Variants in NKAIN3 observed in about 807,000 individuals in gnomAD.
NKAIN3 encodes the protein sodium/potassium-transporting ATPase subunit beta-1-interacting protein 3.
NKAIN3 carries 25 observed loss-of-function variants against 30.2 expected under a neutral mutation model. The ratio of observed to expected loss-of-function variants is 0.83; its 90% CI spans 0.60 to 1.16. The LOEUF is 1.16. Among genes scored for constraint, NKAIN3 ranks in the 50% most tolerant of loss-of-function variants. The probability of loss-of-function intolerance (pLI) is 0.00; values close to 1 mark genes in which losing one functional copy is unlikely to be tolerated. For missense variants in NKAIN3, 225 were observed against 254.1 expected (o/e 0.89, Z 0.78); for synonymous variants, 91 against 89.6 (o/e 1.02, Z -0.09).
intron 4 of NKAIN3, among the ~76,000 whole-genome samples, chr8:62,762,049 C>T (rs1439482922): frequency 6.6e-6 from 1 of 152,194 alleles, no homozygotes; most frequent in Non-Finnish European, 1.5e-5. Flanking sequence ...GACATGGTAG[C>T]TCACGCCTGT....
At chr8:62,605,267 T>C (rs1055828612) in intron 3 of NKAIN3, among the ~76,000 whole-genome samples, 2 of 152,014 alleles carry the variant, frequency 1.3e-5, no homozygotes, top group Non-Finnish European at 2.9e-5. Flanking sequence ...ATGTCAACCA[T>C]GCATTAGAAT....
intron 1 of NKAIN3, among the ~76,000 whole-genome samples, chr8:62,426,777 T>C (rs1412018668): frequency 6.6e-6 from 1 of 152,030 alleles, no homozygotes; most frequent in Non-Finnish European, 1.5e-5. Flanking sequence ...GTTTTCCTTT[T>C]TTTTCCCCCA....
intron 1 of NKAIN3, among the ~76,000 whole-genome samples, chr8:62,456,448 G>A (rs1805821847): frequency 6.6e-6 from 1 of 152,000 alleles, no homozygotes; most frequent in African/African-American, 2.4e-5. Flanking sequence ...GAACCTGTGA[G>A]GCAGAGCTTG....
intron 3 of NKAIN3, among the ~76,000 whole-genome samples, chr8:62,615,793 C>T (rs1309491201): frequency 6.6e-6 from 1 of 152,052 alleles, no homozygotes; most frequent in Non-Finnish European, 1.5e-5. Flanking sequence ...TGTTGTCACT[C>T]CCCCAGTGCC....
At chr8:62,506,885 T>G (rs1807662182) in intron 1 of NKAIN3, among the ~76,000 whole-genome samples, 1 of 152,182 alleles carries the variant, frequency 6.6e-6, no homozygotes, top group Non-Finnish European at 1.5e-5. Flanking sequence ...CCCCTCTCTC[T>G]TTCTAATGTT....
intron 1 of NKAIN3, among the ~76,000 whole-genome samples, chr8:62,261,511 C>T (rs1290658062): frequency 6.6e-6 from 1 of 152,196 alleles, no homozygotes; most frequent in Non-Finnish European, 1.5e-5. Context: ...GCTGGACTTA[C>T]TCCAACACCC....
intron 1 of NKAIN3, among the ~76,000 whole-genome samples, chr8:62,561,510 A>G (rs984803901): frequency 6.6e-6 from 1 of 152,158 alleles, no homozygotes; most frequent in Non-Finnish European, 1.5e-5. Flanking sequence ...TTAATAAAAT[A>G]TTTAAGCAAT....
intron 4 of NKAIN3, chr8:62,863,163 G>A (rs1190775280): frequency 2.6e-6 from 4 of 1,515,346 alleles, no homozygotes; most frequent in Admixed American, 1.7e-5. Flanking sequence ...TTTTCCTTTC[G>A]GCTTCTTGCT....
At chr8:62,324,855 C>G (rs1272174625) in intron 1 of NKAIN3, among the ~76,000 whole-genome samples, 1 of 152,110 alleles carries the variant, frequency 6.6e-6, no homozygotes, top group Non-Finnish European at 1.5e-5. Context: ...TGGCTATTCT[C>G]TCTCTCGGCT....
chr8:62,718,778 T>C (rs1814989851), intron 3 of NKAIN3, among the ~76,000 whole-genome samples: 1 of 152,194 alleles, frequency 6.6e-6, no homozygotes, highest in Non-Finnish European at 1.5e-5. Flanking sequence ...AAGATATTCA[T>C]TTTGGTTTTC....
At chr8:62,748,054 A>G (rs537355268) in intron 4 of NKAIN3, among the ~76,000 whole-genome samples, 1 of 152,356 alleles carries the variant, frequency 6.6e-6, no homozygotes, top group African/African-American at 2.4e-5. Context: ...ATCTACTACT[A>G]TGTAACAAAC....
intron 1 of NKAIN3, among the ~76,000 whole-genome samples, chr8:62,315,971 A>G (rs1355007323): frequency 2.0e-5 from 3 of 152,294 alleles, no homozygotes; most frequent in African/African-American, 7.2e-5. Context: ...GAGTAATTGA[A>G]TCATGGGGGC....
At chr8:62,443,033 C>T (rs1431805772) in intron 1 of NKAIN3, among the ~76,000 whole-genome samples, 1 of 151,946 alleles carries the variant, frequency 6.6e-6, no homozygotes. Context: ...TCCATGTGTA[C>T]TTAACATGTC....
At chr8:62,729,319 G>T (rs902955980) in intron 3 of NKAIN3, among the ~76,000 whole-genome samples, 1 of 152,102 alleles carries the variant, frequency 6.6e-6, no homozygotes, top group African/African-American at 2.4e-5. Flanking sequence ...ACAACAACGT[G>T]ATGCCACTAC....
At chr8:62,869,706 T>C (rs1425432801) in intron 4 of NKAIN3, among the ~76,000 whole-genome samples, 1 of 152,132 alleles carries the variant, frequency 6.6e-6, no homozygotes, top group Non-Finnish European at 1.5e-5. Flanking sequence ...CCCAGGCCTT[T>C]GGCCTCAGAC....
intron 4 of NKAIN3, among the ~76,000 whole-genome samples, chr8:62,767,749 A>G (rs566350532): frequency 6.6e-6 from 1 of 152,120 alleles, no homozygotes; most frequent in East Asian, 1.9e-4. Context: ...GTGCTGTCCA[A>G]TGTGACAGCC....
At chr8:62,518,464 A>C (rs1224983446) in intron 1 of NKAIN3, among the ~76,000 whole-genome samples, 4 of 152,172 alleles carry the variant, frequency 2.6e-5, no homozygotes, top group African/African-American at 9.6e-5. Context: ...CACACTGCCA[A>C]GTATTAATAG....
intron 3 of NKAIN3, among the ~76,000 whole-genome samples, chr8:62,633,736 G>T (rs1415234103): frequency 6.6e-6 from 1 of 152,098 alleles, no homozygotes; most frequent in African/African-American, 2.4e-5. Flanking sequence ...CCACCTTATT[G>T]AAGGCCAACG....
chr8:62,269,037 A>G (rs1812694371), intron 1 of NKAIN3, among the ~76,000 whole-genome samples: 1 of 152,170 alleles, frequency 6.6e-6, no homozygotes, highest in Admixed American at 6.5e-5. Context: ...ATCTTCCTGT[A>G]CAACATCTGT....
Sources: allele counts gnomAD v4.1 joint callset (sites outside exome capture counted in the v4.1 genomes callset), GRCh38; gene constraint gnomAD v4.1.1; transcripts MANE v1.5; gene names NCBI Gene and HGNC (gene_info 2026-07-23, HGNC 2026-07-21).